Variants in ABCG2 observed in about 807,000 individuals in gnomAD.
ABCG2 encodes ATP binding cassette subfamily G member 2 (JR blood group).
A neutral mutation model predicts 73.5 loss-of-function variants in ABCG2; 80 were observed. The observed-to-expected ratio is 1.09, with a 90% CI of 0.91 to 1.31. The LOEUF is 1.31. Ranked by LOEUF, ABCG2 falls within the 50% of genes most tolerant of loss-of-function variation. The probability of loss-of-function intolerance (pLI) is 0.00; values close to 1 mark genes in which losing one functional copy is unlikely to be tolerated. For missense variants in ABCG2, 796 were observed against 786.2 expected (o/e 1.01, Z -0.15); for synonymous variants, 269 against 282.4 (o/e 0.95, Z 0.48).
At position 88,139,822 on chromosome 4, in the gene ABCG2, T is replaced by C. The variant is rs775067444; in HGVS notation, c.174A>G (p.Pro58=). 2 of 1,614,018 alleles carry C rather than the reference T, an allele frequency of 1.2e-6. No homozygotes were observed. The highest frequency in any genetic ancestry group is 1.7e-6 in the Non-Finnish European group (2 of 1,180,008). Residue 58 remains proline, a synonymous_variant, in exon 2 of 16, where the codon CCA becomes CCG. Transcript: ENST00000237612. The part of the protein sequence containing the change: ...LKSGFLPCRK[P]VEKEILSNIN... ...TATTCGATAATATTTCTTTCTCAAC[T>C]GGTTTTCGACAAGGTAGAAAGCCAC...
chr4:88,129,469 C>T (rs1194686563), intron 5 of ABCG2, among the ~76,000 whole-genome samples: 1 of 152,106 alleles, frequency 6.6e-6, no homozygotes, highest in Non-Finnish European at 1.5e-5. Context: ...GATATCCTAA[C>T]AAGCAACATA....
At chr4:88,122,626 A>G (rs1279470767) in intron 5 of ABCG2, among the ~76,000 whole-genome samples, 1 of 152,142 alleles carries the variant, frequency 6.6e-6, no homozygotes, top group South Asian at 2.1e-4. Context: ...CCTCCTCTCT[A>G]TGCAGGGCAT....
rs1033937693 is a variant in ABCG2, at chr4:88,131,141, T to G, written c.451A>C (p.Thr151Pro). ...QFSAALRLAT[T>P]MTNHEKNERI... ...TCGTTTTTTTCATGATTCGTCATAGTTGTTGCAAGCCGAAGAGCTGCTGAG... is the reference window on the plus strand; with the variant it reads ...TCGTTTTTTTCATGATTCGTCATAGGTGTTGCAAGCCGAAGAGCTGCTGAG... Residue 151 changes from threonine to proline, a missense_variant, in exon 5 of 16, where the codon ACT becomes CCT. Physicochemically the swap from Thr to Pro is conservative, Grantham distance 38. Transcript: ENST00000237612. The G allele has an allele frequency of 1.3e-5, 21 of 1,613,966 alleles. No individual in the cohort carries two copies. The Admixed American group carries it at 1.5e-4, about 12-fold the overall frequency.
In ABCG2 at chr4:88,094,562, T is replaced by C. The variant is rs781273922; in HGVS notation, c.1820+15A>G. ...GTAGTAACAAAACCCATTTTGACACTGAACAAAAACTTACGTTGCATAGTT... is the reference window on the plus strand; with the variant it reads ...GTAGTAACAAAACCCATTTTGACACCGAACAAAAACTTACGTTGCATAGTT... On this transcript the variant is annotated intron_variant, in intron 15 of 15. Coordinates refer to ENST00000237612, the MANE Select transcript of ABCG2 (RefSeq NM_004827.3). 6.2e-7 allele frequency: 1 copy of C among 1,609,004 alleles called. No individual in the cohort carries two copies. The highest frequency in any genetic ancestry group is 1.7e-5 in the Admixed American group (1 of 60,016).
At chr4:88,167,327 G>C (rs2110090458) in intron 1 of ABCG2, among the ~76,000 whole-genome samples, 1 of 146,386 alleles carries the variant, frequency 6.8e-6, no homozygotes, top group East Asian at 2.1e-4. Flanking sequence ...TTTCAAAACA[G>C]TTTGAGTCCT....
chr4:88,194,511 C>CT (rs1377477740), intron 1 of ABCG2, among the ~76,000 whole-genome samples: 1 of 119,708 alleles, frequency 8.4e-6, no homozygotes, highest in Non-Finnish European at 1.6e-5. Flanking sequence ...GATCTGGCCA[C>CT]TGCACTCCAG....
At chr4:88,123,330 G>A (rs1724144588) in intron 5 of ABCG2, among the ~76,000 whole-genome samples, 2 of 152,150 alleles carry the variant, frequency 1.3e-5, no homozygotes, top group African/African-American at 4.8e-5. Flanking sequence ...ATAGACAGAA[G>A]TAGGCTTCAG....
At chr4:88,112,970 C>T (rs1405952481) in intron 9 of ABCG2, among the ~76,000 whole-genome samples, 2 of 151,848 alleles carry the variant, frequency 1.3e-5, no homozygotes, top group Non-Finnish European at 2.9e-5. Context: ...ATTAGCTGGA[C>T]GTGGTGGGAC....
At chr4:88,111,853 G>A (rs1723154562) in intron 9 of ABCG2, among the ~76,000 whole-genome samples, 1 of 152,278 alleles carries the variant, frequency 6.6e-6, no homozygotes, top group Non-Finnish European at 1.5e-5. Flanking sequence ...CACTTTGGGA[G>A]GCCAAGGCAG....
At chr4:88,157,138 T>C (rs1726999327) in intron 1 of ABCG2, among the ~76,000 whole-genome samples, 1 of 152,176 alleles carries the variant, frequency 6.6e-6, no homozygotes, top group African/African-American at 2.4e-5. Context: ...CAATATGACA[T>C]ACTGAGATGG....
At chr4:88,160,011 C>T (rs976444781), upstream of ABCG2, among the ~76,000 whole-genome samples, 3 of 151,726 alleles carry the variant, frequency 2.0e-5, no homozygotes, top group Non-Finnish European at 2.9e-5. Context: ...GGGAGGCTGA[C>T]GCAGGCAGAT....
At chr4:88,216,850 C>T (rs922447351) in intron 1 of ABCG2, among the ~76,000 whole-genome samples, 2 of 151,816 alleles carry the variant, frequency 1.3e-5, no homozygotes, top group African/African-American at 4.8e-5. Context: ...ACCAAAATGG[C>T]GAAACCCCCC....
At chr4:88,107,591 C>T (rs1394865868) in intron 9 of ABCG2, among the ~76,000 whole-genome samples, 1 of 152,156 alleles carries the variant, frequency 6.6e-6, no homozygotes, top group Non-Finnish European at 1.5e-5. Context: ...CTTGTGAATA[C>T]CACACAGGAT....
At chr4:88,169,544 G>T (rs980516547) in intron 1 of ABCG2, among the ~76,000 whole-genome samples, 2 of 152,060 alleles carry the variant, frequency 1.3e-5, no homozygotes, top group Non-Finnish European at 2.9e-5. Context: ...TAAAGTGTTA[G>T]ATTAGAAAAG....
At chr4:88,128,932 A>G (rs1482165553) in intron 5 of ABCG2, among the ~76,000 whole-genome samples, 2 of 152,208 alleles carry the variant, frequency 1.3e-5, no homozygotes, top group Non-Finnish European at 2.9e-5. Flanking sequence ...AAATTTTTTA[A>G]AAAAAGCACC....
intron 1 of ABCG2, among the ~76,000 whole-genome samples, chr4:88,216,622 T>C (rs954881227): frequency 6.6e-6 from 1 of 152,204 alleles, no homozygotes; most frequent in African/African-American, 2.4e-5. Flanking sequence ...GATAAGGCAC[T>C]ATTGTCCGGG....
intron 2 of ABCG2, among the ~76,000 whole-genome samples, chr4:88,137,743 C>T (rs573448361): frequency 4.1e-4 from 63 of 152,184 alleles, no homozygotes; most frequent in African/African-American, 1.3e-3. Context: ...TGCACTCACA[C>T]GGTTCAGAAA....
At chr4:88,199,403 A>G (rs1729064303) in intron 1 of ABCG2, among the ~76,000 whole-genome samples, 2 of 152,252 alleles carry the variant, frequency 1.3e-5, no homozygotes, top group South Asian at 4.1e-4. Context: ...GGTATATCAT[A>G]TTCAAACTAC....
intron 1 of ABCG2, among the ~76,000 whole-genome samples, chr4:88,204,843 G>A (rs1437581564): frequency 6.6e-6 from 1 of 152,170 alleles, no homozygotes; most frequent in Non-Finnish European, 1.5e-5. Context: ...GTGGGGATTA[G>A]GATGGGAATA....
Sources: gnomAD v4.1 joint callset for allele counts (sites outside exome capture counted in the v4.1 genomes callset) on GRCh38, gnomAD v4.1.1 for gene constraint, MANE v1.5 for transcripts, NCBI Gene and HGNC (gene_info 2026-07-23, HGNC 2026-07-21) for gene names.